GCKR: variants seen among roughly 807,000 people sequenced by gnomAD.
The protein encoded by GCKR is glucokinase regulatory protein.
Under a neutral mutation model 82.9 loss-of-function variants are expected in GCKR, and 73 were observed. The observed-to-expected ratio is 0.88, with a 90% CI of 0.73 to 1.07. GCKR has a LOEUF of 1.07. Ranked by LOEUF, GCKR falls within the 50% of genes least tolerant of loss-of-function variation. The pLI is 0.00. For missense variants in GCKR, 784 were observed against 782.1 expected (o/e 1.00, Z -0.03); for synonymous variants, 294 against 291.8 (o/e 1.01, Z -0.08).
intron 16 of GCKR, among the ~76,000 whole-genome samples, chr2:27,510,301 G>A (rs771440539): frequency 4.6e-5 from 7 of 152,124 alleles, no homozygotes; most frequent in Non-Finnish European, 7.3e-5. Context: ...GAGCCACCAC[G>A]CCCGGCCACT....
chr2:27,521,177 G>A (rs1670143190), intron 17 of GCKR, among the ~76,000 whole-genome samples: 1 of 152,058 alleles, frequency 6.6e-6, no homozygotes, highest in Non-Finnish European at 1.5e-5. Context: ...GACTAATAAT[G>A]TTTAATATTG....
At chr2:27,511,247 C>T (rs1043094247) in intron 16 of GCKR, among the ~76,000 whole-genome samples, 4 of 151,324 alleles carry the variant, frequency 2.6e-5, no homozygotes, top group Admixed American at 6.6e-5. Flanking sequence ...GGGCTGGTCT[C>T]GAACTTCGGA....
At chr2:27,520,989 A>G (rs1250349539) in intron 17 of GCKR, among the ~76,000 whole-genome samples, 1 of 152,156 alleles carries the variant, frequency 6.6e-6, no homozygotes, top group East Asian at 1.9e-4. Context: ...GGTTTCAGTG[A>G]GCCAAGATAG....
chr2:27,499,199 A>G lies in GCKR; in HGVS notation c.486A>G (p.Glu162=), dbSNP rs1669507778. ...ATAGTGCCTTGCACGGGATTGAGGA[A>G]CTGAAGAAGGTCTGTGCTTTTCACT... The part of the protein sequence containing the change: ...TEDSALHGIE[E]LKKVAAGKKR... The change falls in exon 6 of 19, where the codon GAA becomes GAG. Residue 162 remains glutamate (E), a synonymous_variant. Transcript: ENST00000264717. 4 of 1,607,954 alleles carry G rather than the reference A, an allele frequency of 2.5e-6. No homozygotes were observed. Among genetic ancestry groups the G allele is most frequent in the African/African-American group, 1.3e-5 (1 of 74,812 alleles).
intron 17 of GCKR, among the ~76,000 whole-genome samples, chr2:27,520,977 G>A (rs1398753053): frequency 6.6e-6 from 1 of 152,072 alleles, no homozygotes; most frequent in African/African-American, 2.4e-5. Flanking sequence ...CTGGGAGGTG[G>A]AGGTTTCAGT....
intron 8 of GCKR, among the ~76,000 whole-genome samples, chr2:27,502,242 T>A (rs941566181): frequency 1.6e-4 from 25 of 152,202 alleles, no homozygotes; most frequent in South Asian, 8.3e-4. Flanking sequence ...CTAACCCTGA[T>A]CCTTTTCATG....
At chr2:27,497,451 C>G in intron 2 of GCKR, 52 bp downstream of exon 2, 6 of 1,601,500 alleles carry the variant, frequency 3.7e-6, no homozygotes, top group Non-Finnish European at 4.3e-6. Context: ...CAACCCCAAC[C>G]CCACCTCTGC....
intron 10 of GCKR, 31 bp downstream of exon 10, chr2:27,505,867 G>C (rs900837910): frequency 8.8e-7 from 1 of 1,132,296 alleles, no homozygotes; most frequent in Non-Finnish European, 1.4e-6. Flanking sequence ...AGAGAGCTCA[G>C]AGTCAGGCGA....
chr2:27,497,203 C>T (rs1173273635), intron 1 of GCKR, 41 bp from the exon 2 acceptor site: 2 of 1,612,962 alleles, frequency 1.2e-6, no homozygotes, highest in Admixed American at 1.7e-5. Flanking sequence ...ATGAATGAGG[C>T]TTTGGCTTCC....
In GCKR at chr2:27,508,210, TG is replaced by T; in HGVS notation, c.1383del (p.Trp461CysfsTer20). ...KLFPSIISIT[W>X]PLLFFEYEGN... ...CTTTCCCTCCATCATCAGCATCACATGGCCACTGCTTTTCTTTGAATATGAA... is the reference window on the plus strand; with the variant it reads ...CTTTCCCTCCATCATCAGCATCACATGCCACTGCTTTTCTTTGAATATGAA... On this transcript the variant is annotated frameshift_variant, in exon 16 of 19. Coordinates refer to ENST00000264717, the MANE Select transcript of GCKR (RefSeq NM_001486.4). LOFTEE classifies it high-confidence loss of function. The T allele has an allele frequency of 6.2e-7, 1 of 1,612,406 alleles. No homozygotes were observed. The highest frequency in any genetic ancestry group is 8.5e-7 in the Non-Finnish European group (1 of 1,178,390).
At chr2:27,497,012 AT>A (rs1487301134) in intron 1 of GCKR, 48 bp downstream of exon 1, 1 of 1,485,444 alleles carries the variant, frequency 6.7e-7, no homozygotes, top group Non-Finnish European at 9.4e-7. Flanking sequence ...TCCTAGAATT[AT>A]TTTTCATCCA....
intron 4 of GCKR, 89 bp from the exon 5 acceptor site, chr2:27,498,635 A>T: frequency 1.2e-6 from 1 of 830,166 alleles, no homozygotes; most frequent in Non-Finnish European, 2.1e-6. Context: ...GAGAATCATT[A>T]TATAGTCTCT....
At chr2:27,510,165 C>T (rs912308266) in intron 16 of GCKR, among the ~76,000 whole-genome samples, 52 of 152,104 alleles carry the variant, frequency 3.4e-4, no homozygotes, top group African/African-American at 1.1e-3. Context: ...CCCGCCACCA[C>T]GCCTGGCTAA....
intron 18 of GCKR, 119 bp from the exon 19 acceptor site, chr2:27,523,150 C>T (rs1207472320): frequency 3.6e-5 from 29 of 795,964 alleles, no homozygotes; most frequent in Non-Finnish European, 4.9e-5. Flanking sequence ...CTGCCCACCT[C>T]GGCCTCCCAA....
rs112291399 is a variant in GCKR at position 27,516,930 on chromosome 2, C to T, written c.1423-1858C>T. Among the ~76,000 whole-genome samples, 201 of 151,970 alleles carry T rather than the reference C, an allele frequency of 1.3e-3. 1 individual carries two copies. Among genetic ancestry groups the T allele is most frequent in the African/African-American group, 4.7e-3 (194 of 41,418 alleles). On this transcript the variant is annotated intron_variant, in intron 16 of 18. Transcript: ENST00000264717. ...CTCTTCCAGGGTTTTGTGTGAACAG[C>T]TATTTCTAGAGTTCCAGAATAAAGA...
Position 27,506,494 on chromosome 2 carries a change from A to C in GCKR, c.883A>C (p.Ile295Leu). Residue 295 changes from isoleucine (I) to leucine (L), a missense_variant, in exon 11 of 19, where the codon ATC becomes CTC. By Grantham distance (5) the Ile-to-Leu change is conservative. Coordinates refer to ENST00000264717, the MANE Select transcript of GCKR (RefSeq NM_001486.4). ...CTTTTCTCCCAGATGCCTCCTGGAA[A>C]TCTTGCGGACATTTGAGCGAGCTCA... ...IAASQRCLLE[I>L]LRTFERAHQV... is the part of the protein sequence containing the mutation. 6.2e-7 allele frequency: 1 copy of C among 1,613,630 alleles called. No individual in the cohort carries two copies.
chr2:27,515,968 G>A (rs1669995652), intron 16 of GCKR, among the ~76,000 whole-genome samples: 1 of 147,852 alleles, frequency 6.8e-6, no homozygotes, highest in South Asian at 2.1e-4. Context: ...GTAGAGACAG[G>A]TTCTTGCTAT....
intron 8 of GCKR, among the ~76,000 whole-genome samples, chr2:27,503,277 G>A (rs1293329514): frequency 6.6e-6 from 1 of 152,234 alleles, no homozygotes; most frequent in African/African-American, 2.4e-5. Context: ...CTCAGGCTGG[G>A]ACTTTAAACT....
intron 8 of GCKR, among the ~76,000 whole-genome samples, chr2:27,501,474 A>G (rs1334164920): frequency 2.6e-5 from 4 of 152,288 alleles, no homozygotes. Flanking sequence ...ATAAGATAGC[A>G]TACATTCAAA....
Sources: allele counts gnomAD v4.1 joint callset (sites outside exome capture counted in the v4.1 genomes callset), GRCh38; gene constraint gnomAD v4.1.1; transcripts MANE v1.5; gene names NCBI Gene and HGNC (gene_info 2026-07-23, HGNC 2026-07-21).